The following SEC23IP variants were observed in gnomAD, a reference collection of about 807,000 sequenced individuals.
SEC23IP encodes SEC23 interacting protein, also known as SEC23-interacting protein.
In SEC23IP, 70 loss-of-function variants were observed where a neutral mutation model predicts 113.4. That is an observed-to-expected ratio of 0.62 (90% CI 0.51 to 0.75). SEC23IP has a LOEUF of 0.75. SEC23IP is among the 30% of genes least tolerant of loss of function. SEC23IP has a pLI of 0.00. For missense variants in SEC23IP, 1,160 were observed against 1,204.9 expected (o/e 0.96, Z 0.55); for synonymous variants, 398 against 421.0 (o/e 0.95, Z 0.67).
chr10:119,914,965 C>T, intron 7 of SEC23IP, 146 bp downstream of exon 7: 3 of 703,050 alleles, frequency 4.3e-6, no homozygotes, highest in South Asian at 3.5e-5. Context: ...GTGGGAAATA[C>T]TAAGTTGTAC....
In SEC23IP at chr10:119,930,416, A is replaced by G; in HGVS notation, c.2557A>G (p.Lys853Glu). 1 of 1,605,316 alleles carries G rather than the reference A, an allele frequency of 6.2e-7. No individual in the cohort carries two copies. Among genetic ancestry groups the G allele is most frequent in the Non-Finnish European group, 8.5e-7 (1 of 1,173,220 alleles). The change falls in exon 15 of 19, where the codon AAA (lysine) becomes GAA (glutamate). Residue 853 changes from lysine to glutamate, a missense_variant. Transcript: ENST00000369075. The part of the protein sequence containing the change: ...AVLIPHHKGR[K>E]RLHLELKESL... The stretch of plus-strand genomic sequence containing the variant: ...TCTCATTCCACATCACAAAGGCAGA[A>G]AAAGACTTCATTTAGGTAAAAAGCA...
intron 8 of SEC23IP, among the ~76,000 whole-genome samples, chr10:119,916,364 C>T (rs918839015): frequency 6.6e-6 from 1 of 152,142 alleles, no homozygotes; most frequent in East Asian, 1.9e-4. Flanking sequence ...GTGTAAAGGC[C>T]ACTCAGTACT....
intron 10 of SEC23IP, 118 bp downstream of exon 10, chr10:119,918,629 T>TGTTTG: frequency 4.1e-6 from 3 of 739,340 alleles, no homozygotes; most frequent in Non-Finnish European, 7.0e-6. Context: ...TTTGTTTGTT[T>TGTTTG]TAACTGAGCC....
At position 119,939,366 on chromosome 10, in the gene SEC23IP, G is replaced by A. The variant is rs139676207; in HGVS notation, c.*21-1220G>A. Among the ~76,000 whole-genome samples the A allele has an allele frequency of 4.1e-3, 620 of 152,088 alleles. 5 individuals are homozygous for A. The highest frequency in any genetic ancestry group is 0.014 in the African/African-American group (589 of 41,508). ...AATAAAAAAGCCTCAAATTAACATG[G>A]CAGATAACTAACTTTATTTTTTATT... is the stretch of plus-strand genomic sequence containing the variant. On this transcript the variant is annotated intron_variant, in intron 18 of 18. Transcript: ENST00000369075.
intron 6 of SEC23IP, chr10:119,914,440 A>G (rs1454919987): frequency 2.6e-6 from 1 of 378,202 alleles, no homozygotes; most frequent in African/African-American, 2.1e-5. Flanking sequence ...GAAGCATCAC[A>G]AGGTTGTGGA....
chr10:119,897,914 A>G (rs1252580740), intron 1 of SEC23IP, among the ~76,000 whole-genome samples: 2 of 151,678 alleles, frequency 1.3e-5, no homozygotes, highest in African/African-American at 2.4e-5. Flanking sequence ...CTGAGGCAGG[A>G]GAATGGCGTG....
chr10:119,902,944 A>G lies in SEC23IP; in HGVS notation c.842A>G (p.Tyr281Cys). The G allele has an allele frequency of 6.2e-7, 1 of 1,614,240 alleles. No individual in the cohort carries two copies. Among genetic ancestry groups the G allele is most frequent in the Non-Finnish European group, 8.5e-7 (1 of 1,180,044 alleles). Residue 281 changes from tyrosine (Y) to cysteine (C), a missense_variant, in exon 3 of 19, where the codon TAC becomes TGC. Tyr to Cys is a radical substitution (Grantham distance 194, BLOSUM62 -2). Coordinates refer to ENST00000369075, the MANE Select transcript of SEC23IP (RefSeq NM_007190.4). ...PHWFYCKEVE[Y>C]KQLWMPFSVF... ...TGGTTTTACTGCAAGGAGGTAGAATACAAACAACTGTGGATGCCTTTTAGT... is the reference window on the plus strand; with the variant it reads ...TGGTTTTACTGCAAGGAGGTAGAATGCAAACAACTGTGGATGCCTTTTAGT...
At position 119,898,525 on chromosome 10, in the gene SEC23IP, A is replaced by G; in HGVS notation, c.262A>G (p.Ser88Gly). ...QTFSYFSQVS[S>G]SSDPFGNIGQ... ...ATTTAGTTACTTCTCTCAGGTATCA[A>G]GCAGCAGTGATCCTTTTGGGAATAT... is the stretch of plus-strand genomic sequence containing the variant. The change falls in exon 2 of 19, where the codon AGC (serine) becomes GGC (glycine). Residue 88 changes from serine (S) to glycine (G), a missense_variant. Coordinates refer to ENST00000369075, the MANE Select transcript of SEC23IP (RefSeq NM_007190.4). 1.2e-6 allele frequency: 2 copies of G among 1,614,170 alleles called. No homozygotes were observed. The highest frequency in any genetic ancestry group is 1.1e-5 in the South Asian group (1 of 91,080).
At position 119,915,796 on chromosome 10, in the gene SEC23IP, A is replaced by G. The variant is rs779199291; in HGVS notation, c.1451A>G (p.Lys484Arg). 4 of 1,603,806 alleles carry G rather than the reference A, an allele frequency of 2.5e-6. No individual in the cohort carries two copies. The highest frequency in any genetic ancestry group is 3.4e-6 in the Non-Finnish European group (4 of 1,174,618). Residue 484 changes from lysine to arginine, a missense_variant, in exon 8 of 19, where the codon AAG (lysine) becomes AGG (arginine). Lys to Arg is a conservative substitution (Grantham distance 26, BLOSUM62 2). Transcript: ENST00000369075. ...CTCAAATTGCTGCGGACACATTTCAAGAAATCTTTAGATGACGGGAAAGTA... is the reference window on the plus strand; with the variant it reads ...CTCAAATTGCTGCGGACACATTTCAGGAAATCTTTAGATGACGGGAAAGTA... The part of the protein sequence containing the change: ...VSLKLLRTHF[K>R]KSLDDGKVSR...
chr10:119,894,402 G>A (rs1854201417), intron 1 of SEC23IP, among the ~76,000 whole-genome samples: 1 of 152,216 alleles, frequency 6.6e-6, no homozygotes, highest in African/African-American at 2.4e-5. Context: ...CCCTGCCCAT[G>A]TGTTATGTTT....
chr10:119,930,024 G>A (rs1291290726), intron 14 of SEC23IP, among the ~76,000 whole-genome samples: 1 of 151,956 alleles, frequency 6.6e-6, no homozygotes, highest in African/African-American at 2.4e-5. Flanking sequence ...TTATTTCTTG[G>A]GAATTAATAC....
chr10:119,940,726 G>A lies in SEC23IP; in HGVS notation c.*161G>A, dbSNP rs1855940658. 6.6e-6 allele frequency: 1 copy of A among 151,858 alleles called. No individual in the cohort carries two copies. The highest frequency in any genetic ancestry group is 2.1e-4 in the South Asian group (1 of 4,806). 9.4% of individuals were successfully genotyped at this position (151,858 alleles called of 1,614,324 possible). On this transcript the variant is annotated 3_prime_UTR_variant, in exon 19 of 19. Transcript: ENST00000369075. ...GCTCAGCCACAATTCTCGGATATAG[G>A]GATTCAAAAGACAGGACACAGAACT...
intron 2 of SEC23IP, among the ~76,000 whole-genome samples, chr10:119,901,168 C>T (rs1310966918): frequency 1.3e-5 from 2 of 151,470 alleles, no homozygotes; most frequent in African/African-American, 4.9e-5. Context: ...CCACCATGTC[C>T]GTGTGATTTT....
rs1856025602 is a variant in SEC23IP at position 119,944,224 on chromosome 10, A to T, written c.*3659A>T. On this transcript the variant is annotated 3_prime_UTR_variant, in exon 19 of 19. Coordinates refer to ENST00000369075, the MANE Select transcript of SEC23IP (RefSeq NM_007190.4). ...AGTTCTCACAAGATCTGATGGTTTT[A>T]AAAGTGGCAGTTTTCCCTGCACTCT... The T allele has an allele frequency of 6.6e-6, 1 of 152,130 alleles. No homozygotes were observed. The highest frequency in any genetic ancestry group is 1.5e-5 in the Non-Finnish European group (1 of 68,034). The allele number at this position is 152,130 out of a possible 1,614,324, so 9.4% of individuals were successfully genotyped here.
intron 5 of SEC23IP, among the ~76,000 whole-genome samples, chr10:119,909,842 A>G (rs1854801840): frequency 6.6e-6 from 1 of 152,122 alleles, no homozygotes; most frequent in African/African-American, 2.4e-5. Context: ...GTGAGCTGTG[A>G]TCACGCTCAC....
At chr10:119,936,690 A>C (rs1855798320) in intron 18 of SEC23IP, among the ~76,000 whole-genome samples, 1 of 152,018 alleles carries the variant, frequency 6.6e-6, no homozygotes, top group Non-Finnish European at 1.5e-5. Context: ...ACTGATTAAA[A>C]AATTTTTTTT....
chr10:119,909,958 C>T (rs1029934096), intron 5 of SEC23IP, among the ~76,000 whole-genome samples: 31 of 152,116 alleles, frequency 2.0e-4, no homozygotes, highest in African/African-American at 7.0e-4. Flanking sequence ...GTTTAGTATG[C>T]AATGTAGAAG....
intron 7 of SEC23IP, 24 bp from the exon 8 acceptor site, chr10:119,915,724 C>CT (rs1216924023): frequency 6.9e-7 from 1 of 1,455,108 alleles, no homozygotes; most frequent in Non-Finnish European, 9.2e-7. Flanking sequence ...AATTTATTTT[C>CT]TCTTTTTTTT....
chr10:119,923,846 G>A (rs1236751702), intron 12 of SEC23IP, among the ~76,000 whole-genome samples: 1 of 152,168 alleles, frequency 6.6e-6, no homozygotes, highest in East Asian at 1.9e-4. Context: ...ACCACGCCCA[G>A]CCTATGTTGG....
Sources: gnomAD v4.1 joint callset for allele counts (sites outside exome capture counted in the v4.1 genomes callset) on GRCh38, gnomAD v4.1.1 for gene constraint, MANE v1.5 for transcripts, NCBI Gene and HGNC (gene_info 2026-07-23, HGNC 2026-07-21) for gene names.